The following ENDOD1 variants were observed in gnomAD, a reference collection of about 807,000 sequenced individuals.
The protein encoded by ENDOD1 is endonuclease domain containing 1, also known as endonuclease domain-containing 1 protein.
In ENDOD1, 9 loss-of-function variants were observed where a neutral mutation model predicts 6.5. The observed-to-expected ratio is 1.39, with a 90% CI of 0.84 to 2.43. ENDOD1 has a LOEUF of 2.43. Among genes scored for constraint, ENDOD1 ranks in the 30% most tolerant of loss-of-function variants. ENDOD1 has a pLI of 0.00. For missense variants in ENDOD1, 648 were observed against 635.5 expected, an observed-to-expected ratio of 1.02 and a Z score of -0.21; for synonymous variants, 255 against 255.2, an observed-to-expected ratio of 1.00 and a Z score of 0.01.
intron 1 of ENDOD1, among the ~76,000 whole-genome samples, chr11:95,127,522 T>C (rs1263666368): frequency 3.3e-5 from 5 of 152,214 alleles, no homozygotes; most frequent in African/African-American, 7.2e-5. Flanking sequence ...TTTTCCCCCA[T>C]GTAATTTAAA....
At chr11:95,106,965 AT>A (rs1478466503) in intron 1 of ENDOD1, among the ~76,000 whole-genome samples, 1 of 151,830 alleles carries the variant, frequency 6.6e-6, no homozygotes, top group Non-Finnish European at 1.5e-5. Context: ...GAAATTAGTG[AT>A]GTCTCCTTAA....
chr11:95,111,581 G>A lies in ENDOD1; in HGVS notation c.301-16796G>A, dbSNP rs141022771. ...ATCAGGCATTAGATTCTCATAACGA[G>A]CACACAACCTAGATCCCTCACATGT... On this transcript the variant is annotated intron_variant, in intron 1 of 1. Coordinates refer to ENST00000278505, the MANE Select transcript of ENDOD1 (RefSeq NM_015036.3). Among the ~76,000 whole-genome samples the A allele has an allele frequency of 2.7e-3, 417 of 151,936 alleles. 3 individuals are homozygous for A. In the Middle Eastern group the frequency reaches 0.045, roughly 16 times the overall value.
chr11:95,097,426 C>G (rs2134162087), intron 1 of ENDOD1, among the ~76,000 whole-genome samples: 1 of 152,174 alleles, frequency 6.6e-6, no homozygotes, highest in South Asian at 2.1e-4. Context: ...AACTAAGAGG[C>G]TGGTTTGGCT....
rs1474026228 is a variant in ENDOD1, at chr11:95,131,114, C to CA, written c.*1536dup. On this transcript the variant is annotated 3_prime_UTR_variant, in exon 2 of 2. Transcript: ENST00000278505. ...ATTTTGCAGAAAAATAGCGGAGGCA[C>CA]ACCCAGAGTAGAACAGCAGCCAGCA... is the stretch of plus-strand genomic sequence containing the variant. 6.6e-6 allele frequency: 1 copy of CA among 152,242 alleles called. No individual in the cohort carries two copies. The highest frequency in any genetic ancestry group is 2.4e-5 in the African/African-American group (1 of 41,454). 9.4% of individuals were successfully genotyped at this position (152,242 alleles called of 1,614,324 possible). A position where few individuals can be genotyped will look rare whatever the true frequency, so the allele number is the denominator to read the frequency against.
chr11:95,105,689 C>T (rs1428712322), intron 1 of ENDOD1, among the ~76,000 whole-genome samples: 1 of 152,184 alleles, frequency 6.6e-6, no homozygotes, highest in Non-Finnish European at 1.5e-5. Context: ...TCTGTTCCTG[C>T]GTTAGTTTGC....
At chr11:95,100,865 G>GTTTTTTTTTTTTTTTTTTTTTTT (rs34680715) in intron 1 of ENDOD1, among the ~76,000 whole-genome samples, 1 of 72,292 alleles carries the variant, frequency 1.4e-5, no homozygotes. Context: ...CCTGCTGGGT[G>GTTTTTTTTTTTTTTTTTTTTTTT]TTTTTTTTTT....
At chr11:95,094,872 A>G (rs1259789334) in intron 1 of ENDOD1, among the ~76,000 whole-genome samples, 1 of 152,162 alleles carries the variant, frequency 6.6e-6, no homozygotes, top group Admixed American at 6.5e-5. Flanking sequence ...TTCCAGCCCC[A>G]TTTTTTGGAT....
Position 95,130,183 on chromosome 11 carries a change from T to G in ENDOD1, c.*604T>G, listed in dbSNP as rs934786638. ...CTCAAGGATATGTACAGTTTTCATT[T>G]TCCTCCAAAGTTGAATTTTGCTACA... On this transcript the variant is annotated 3_prime_UTR_variant, in exon 2 of 2. Transcript: ENST00000278505. 1 of 152,264 alleles carries G rather than the reference T, an allele frequency of 6.6e-6. No individual in the cohort carries two copies. Among genetic ancestry groups the G allele is most frequent in the Non-Finnish European group, 1.5e-5 (1 of 68,048 alleles). 9.4% of individuals were successfully genotyped at this position (152,264 alleles called of 1,614,324 possible).
At chr11:95,099,450 C>T (rs573639026) in intron 1 of ENDOD1, among the ~76,000 whole-genome samples, 25 of 152,284 alleles carry the variant, frequency 1.6e-4, no homozygotes, top group Admixed American at 4.6e-4. Flanking sequence ...GGTGCCCAGG[C>T]CGACTACACC....
chr11:95,124,481 G>C (rs1369239009), intron 1 of ENDOD1, among the ~76,000 whole-genome samples: 1 of 152,166 alleles, frequency 6.6e-6, no homozygotes, highest in Non-Finnish European at 1.5e-5. Flanking sequence ...GAGTTCATAA[G>C]AATATAGTAA....
intron 1 of ENDOD1, among the ~76,000 whole-genome samples, chr11:95,095,028 G>A (rs1252380443): frequency 1.4e-5 from 2 of 147,590 alleles, no homozygotes; most frequent in East Asian, 3.9e-4. Flanking sequence ...TTCAGTAGGT[G>A]CTAGGCGTGT....
rs56010766 is a variant in ENDOD1, at chr11:95,095,043, G to GCACACA, written c.300+4839_300+4844dup. On this transcript the variant is annotated intron_variant, in intron 1 of 1. Coordinates refer to ENST00000278505, the MANE Select transcript of ENDOD1 (RefSeq NM_015036.3). ...TTCAGTAGGTGCTAGGCGTGTGCAC[G>GCACACA]CACACACACACACACACACACACAC... Among the ~76,000 whole-genome samples, 1,346 of 147,992 alleles carry GCACACA rather than the reference G, an allele frequency of 9.1e-3. 17 individuals are homozygous for GCACACA. The highest frequency in any genetic ancestry group is 0.031 in the African/African-American group (1,280 of 41,026).
chr11:95,109,746 G>A lies in ENDOD1; in HGVS notation c.301-18631G>A, dbSNP rs1443448413. Among the ~76,000 whole-genome samples the A allele has an allele frequency of 3.3e-5, 5 of 152,258 alleles. No homozygotes were observed. The East Asian group carries it at 9.6e-4, about 29-fold the overall frequency. ...CTACCTGCTGCCATGCTGCTCCTTCGAGAATCCACCCTTCTCCTCCCCATC... is the reference window on the plus strand; with the variant it reads ...CTACCTGCTGCCATGCTGCTCCTTCAAGAATCCACCCTTCTCCTCCCCATC... On this transcript the variant is annotated intron_variant, in intron 1 of 1. Coordinates refer to ENST00000278505, the MANE Select transcript of ENDOD1 (RefSeq NM_015036.3).
At chr11:95,103,451 G>A (rs547243) in intron 1 of ENDOD1, among the ~76,000 whole-genome samples, 139,519 of 152,228 alleles carry the variant, frequency 0.92, 63,985 homozygotes, top group East Asian at 1. Flanking sequence ...CATGAAAACC[G>A]TTTATTGAGA....
chr11:95,102,396 G>A (rs1565444631), intron 1 of ENDOD1, among the ~76,000 whole-genome samples: 1 of 150,438 alleles, frequency 6.6e-6, no homozygotes, highest in Non-Finnish European at 1.5e-5. Flanking sequence ...AGGTGGGCAG[G>A]CATGGTGGCT....
intron 1 of ENDOD1, among the ~76,000 whole-genome samples, chr11:95,100,264 T>C (rs1859025252): frequency 6.6e-6 from 1 of 152,158 alleles, no homozygotes; most frequent in African/African-American, 2.4e-5. Flanking sequence ...TCCTGACTGG[T>C]TAACCCATTC....
intron 1 of ENDOD1, among the ~76,000 whole-genome samples, chr11:95,091,740 G>GAT (rs5793710): frequency 0.99 from 150,439 of 152,320 alleles, 74,291 homozygotes; most frequent in East Asian, 1. Flanking sequence ...AGATATTTGG[G>GAT]ACCAAGAGAT....
intron 1 of ENDOD1, among the ~76,000 whole-genome samples, chr11:95,091,002 T>C (rs1858925620): frequency 6.6e-6 from 1 of 152,184 alleles, no homozygotes; most frequent in Non-Finnish European, 1.5e-5. Flanking sequence ...ACTCCTCATA[T>C]CTATATTATC....
intron 1 of ENDOD1, among the ~76,000 whole-genome samples, chr11:95,119,772 TG>T (rs1859244820): frequency 1.3e-5 from 2 of 152,212 alleles, no homozygotes; most frequent in Admixed American, 1.3e-4. Flanking sequence ...CCCCAGGCCC[TG>T]GGCATGTCCA....
Sources: allele counts gnomAD v4.1 joint callset (sites outside exome capture counted in the v4.1 genomes callset), GRCh38; gene constraint gnomAD v4.1.1; transcripts MANE v1.5; gene names NCBI Gene and HGNC (gene_info 2026-07-23, HGNC 2026-07-21).